EDRF1: variants seen among roughly 807,000 people sequenced by gnomAD.
EDRF1 encodes the protein erythroid differentiation-related factor 1.
EDRF1 carries 69 observed loss-of-function variants against 148.7 expected under a neutral mutation model. The observed-to-expected ratio is 0.46, with a 90% confidence interval of 0.38 to 0.57. EDRF1 has a LOEUF of 0.57. Ranked by LOEUF, EDRF1 falls within the 20% of genes least tolerant of loss-of-function variation. EDRF1 has a pLI of 0.00. For synonymous variants in EDRF1, 515 were observed against 532.8 expected, an observed-to-expected ratio of 0.97 and a Z score of 0.46; for missense variants, 1,118 against 1,478.7, an observed-to-expected ratio of 0.76 and a Z score of 4.00.
At chr10:125,741,704 A>T (rs1003372379) in intron 17 of EDRF1, 3 of 172,722 alleles carry the variant, frequency 1.7e-5, no homozygotes, top group South Asian at 1.3e-4. Flanking sequence ...TTATTTATTT[A>T]TTTTTTTGAG....
At chr10:125,745,657 T>G in intron 18 of EDRF1, 50 bp from the exon 19 acceptor site, 1 of 1,592,472 alleles carries the variant, frequency 6.3e-7, no homozygotes, top group Non-Finnish European at 8.6e-7. Context: ...AGTGCTAAGG[T>G]TTACACTGAT....
intron 6 of EDRF1, among the ~76,000 whole-genome samples, chr10:125,726,047 GGA>G (rs1254174940): frequency 1.3e-5 from 2 of 152,012 alleles, no homozygotes; most frequent in East Asian, 3.8e-4. Context: ...TTATAGGTGG[GGA>G]GATCAGATTT....
At position 125,740,668 on chromosome 10, in the gene EDRF1, G is replaced by A. The variant is rs1564742439; in HGVS notation, c.2170+17G>A. ...AAAGCCATGGTAAGCCACTATAAATGAATATGTTTAATAGGCACTGGGAAG... is the reference window on the plus strand; with the variant it reads ...AAAGCCATGGTAAGCCACTATAAATAAATATGTTTAATAGGCACTGGGAAG... On this transcript the variant is annotated intron_variant, in intron 16 of 24. Coordinates refer to ENST00000356792, the MANE Select transcript of EDRF1 (RefSeq NM_001202438.2). 1.2e-6 allele frequency: 2 copies of A among 1,610,238 alleles called. No individual in the cohort carries two copies. Among genetic ancestry groups the A allele is most frequent in the East Asian group, 2.2e-5 (1 of 44,860 alleles).
chr10:125,743,028 C>A, intron 17 of EDRF1, 30 bp from the exon 18 acceptor site: 1 of 1,609,850 alleles, frequency 6.2e-7, no homozygotes, highest in South Asian at 1.1e-5. Flanking sequence ...TCACATGATT[C>A]GCATTGATGT....
Position 125,743,218 on chromosome 10 carries a change from A to C in EDRF1, c.2532A>C (p.Arg844Ser). ...TATTAAAGAGAATGGGTAACATTAGAAATGAAATTGGTGTGTTTTACATGA... is the reference window on the plus strand; with the variant it reads ...TATTAAAGAGAATGGGTAACATTAGCAATGAAATTGGTGTGTTTTACATGA... ...VQVLKRMGNI[R>S]NEIGVFYMNQ... The change falls in exon 18 of 25, where the codon AGA becomes AGC. Residue 844 changes from arginine to serine, a missense_variant. By Grantham distance (110) the Arg-to-Ser change is moderately radical (BLOSUM62 -1). Coordinates refer to ENST00000356792, the MANE Select transcript of EDRF1 (RefSeq NM_001202438.2). 1.2e-6 allele frequency: 2 copies of C among 1,613,942 alleles called. No individual in the cohort carries two copies. The highest frequency in any genetic ancestry group is 1.7e-6 in the Non-Finnish European group (2 of 1,179,934).
chr10:125,750,013 G>A (rs1267708330), intron 22 of EDRF1, among the ~76,000 whole-genome samples: 1 of 152,030 alleles, frequency 6.6e-6, no homozygotes, highest in Non-Finnish European at 1.5e-5. Context: ...TGGTGGTGCA[G>A]GCCTGTAGTC....
At chr10:125,724,087 G>T (rs1848140948) in intron 4 of EDRF1, 151 bp downstream of exon 4, 1 of 873,920 alleles carries the variant, frequency 1.1e-6, no homozygotes, top group Non-Finnish European at 1.7e-6. Context: ...AGAAAAGCTT[G>T]AATGAAGAAA....
In EDRF1 at chr10:125,729,286, G is replaced by C. The variant is rs185462118; in HGVS notation, c.895-72G>C. ...TCTTCTTTGTCTCTTCCTTTTTCTAGTCTTTTTATGGATCATGGGGGGAAA... is the reference window on the plus strand; with the variant it reads ...TCTTCTTTGTCTCTTCCTTTTTCTACTCTTTTTATGGATCATGGGGGGAAA... On this transcript the variant is annotated intron_variant, in intron 7 of 24. Coordinates refer to ENST00000356792, the MANE Select transcript of EDRF1 (RefSeq NM_001202438.2). The C allele has an allele frequency of 3.0e-4, 476 of 1,576,588 alleles. 11 individuals are homozygous for C. In the East Asian group the frequency reaches 0.011, roughly 35 times the overall value.
rs369285891 is a variant in EDRF1, at chr10:125,754,035, G to A, written c.3545+190G>A. Among the ~76,000 whole-genome samples, 17 of 152,162 alleles carry A rather than the reference G, an allele frequency of 1.1e-4. No homozygotes were observed. In the East Asian group the frequency reaches 2.5e-3, roughly 22 times the overall value. The stretch of plus-strand genomic sequence containing the variant: ...GTTCGAGACCAGCCCGGCCAACATG[G>A]TGAAACCCCATCTCTACCAAAAATA... On this transcript the variant is annotated intron_variant, in intron 24 of 24. Coordinates refer to ENST00000356792, the MANE Select transcript of EDRF1 (RefSeq NM_001202438.2).
rs766241058 is a variant in EDRF1 at position 125,725,290 on chromosome 10, TTAA to T, written c.511-22_511-20del. 14 of 1,613,480 alleles carry T rather than the reference TTAA, an allele frequency of 8.7e-6. No homozygotes were observed. In the Admixed American group the frequency reaches 1.2e-4, roughly 13 times the overall value. ...CATTGTTTCGACTATGTGTGTTGTA[TTAA>T]TAATATGTATCTCATGTTATCCAGA... is the stretch of plus-strand genomic sequence containing the variant. On this transcript the variant is annotated intron_variant, in intron 4 of 24. Coordinates refer to ENST00000356792, the MANE Select transcript of EDRF1 (RefSeq NM_001202438.2).
chr10:125,735,244 T>C (rs1848670825), intron 12 of EDRF1, among the ~76,000 whole-genome samples: 1 of 152,138 alleles, frequency 6.6e-6, no homozygotes, highest in Non-Finnish European at 1.5e-5. Flanking sequence ...TAGTTACCTA[T>C]TATAGAGAAA....
In EDRF1 at chr10:125,747,679, A is replaced by G. The variant is rs1406884613; in HGVS notation, c.2958A>G (p.Arg986=). 4 of 1,614,106 alleles carry G rather than the reference A, an allele frequency of 2.5e-6. No homozygotes were observed. In the Admixed American group the frequency reaches 6.7e-5, roughly 27 times the overall value. ...TLQQDYAPLS[R]KAQEQIEKEV... Reference sequence around the variant, plus strand: ...AGCAAGATTATGCTCCGTTATCTAGAAAAGCTCAGGAGCAGGTGATAATAT... The same window carrying G: ...AGCAAGATTATGCTCCGTTATCTAGGAAAGCTCAGGAGCAGGTGATAATAT... The change falls in exon 20 of 25, where the codon AGA becomes AGG. Residue 986 remains arginine, a synonymous_variant. Coordinates refer to ENST00000356792, the MANE Select transcript of EDRF1 (RefSeq NM_001202438.2).
intron 24 of EDRF1, among the ~76,000 whole-genome samples, chr10:125,756,352 G>A (rs937940816): frequency 3.3e-5 from 5 of 151,830 alleles, no homozygotes; most frequent in African/African-American, 1.2e-4. Context: ...TTATGGCCTA[G>A]AATATGGTTT....
chr10:125,733,827 C>A, intron 11 of EDRF1, 84 bp downstream of exon 11: 1 of 1,247,514 alleles, frequency 8.0e-7, no homozygotes, highest in Non-Finnish European at 1.2e-6. Flanking sequence ...CAAACCAAGG[C>A]TTTTAAATGC....
At chr10:125,759,741 C>T (rs1382620072) in intron 24 of EDRF1, among the ~76,000 whole-genome samples, 5 of 151,528 alleles carry the variant, frequency 3.3e-5, no homozygotes, top group Admixed American at 6.6e-5. Context: ...GACAGAGTCT[C>T]GCTCTGTCGC....
At position 125,721,430 on chromosome 10, in the gene EDRF1, G is replaced by T; in HGVS notation, c.317+18G>T. ...TTTTCAAGGTAAATATTAATCAGTG[G>T]CATTTTTACCTGCCCCTCCACCCTC... On this transcript the variant is annotated intron_variant, in intron 2 of 24. Coordinates refer to ENST00000356792, the MANE Select transcript of EDRF1 (RefSeq NM_001202438.2). 3.1e-6 allele frequency: 5 copies of T among 1,611,316 alleles called. No homozygotes were observed. Among genetic ancestry groups the T allele is most frequent in the African/African-American group, 1.3e-5 (1 of 74,906 alleles).
At chr10:125,734,541 A>G (rs1346198785) in intron 12 of EDRF1, among the ~76,000 whole-genome samples, 1 of 152,178 alleles carries the variant, frequency 6.6e-6, no homozygotes, top group African/African-American at 2.4e-5. Context: ...CATTTCTCTC[A>G]GACAGCACTG....
At chr10:125,737,685 C>G (rs1382942311) in intron 13 of EDRF1, among the ~76,000 whole-genome samples, 2 of 152,108 alleles carry the variant, frequency 1.3e-5, no homozygotes, top group Non-Finnish European at 2.9e-5. Context: ...TGGAGCTGAC[C>G]TATTAGATGA....
At chr10:125,737,890 A>C in intron 13 of EDRF1, 28 bp from the exon 14 acceptor site, 1 of 1,602,860 alleles carries the variant, frequency 6.2e-7, no homozygotes, top group Non-Finnish European at 8.5e-7. Context: ...TTGGTAGTGT[A>C]TTAATAATTT....
Sources: allele counts gnomAD v4.1 joint callset (sites outside exome capture counted in the v4.1 genomes callset), GRCh38; gene constraint gnomAD v4.1.1; transcripts MANE v1.5; gene names NCBI Gene and HGNC (gene_info 2026-07-23, HGNC 2026-07-21).